Variants in SEPTIN8 observed in about 807,000 individuals in gnomAD.
SEPTIN8 encodes the protein septin-8.
In SEPTIN8, 22 loss-of-function variants were observed where a neutral mutation model predicts 53.1. The ratio of observed to expected loss-of-function variants is 0.41; its 90% CI spans 0.30 to 0.59. The LOEUF (loss-of-function observed/expected upper bound fraction) is 0.59. SEPTIN8 is among the 20% of genes least tolerant of loss of function. The pLI is 0.24. For missense variants in SEPTIN8, 536 were observed against 638.7 expected, an observed-to-expected ratio of 0.84 and a Z score of 1.73; for synonymous variants, 228 against 248.4, an observed-to-expected ratio of 0.92 and a Z score of 0.77.
intron 9 of SEPTIN8, chr5:132,758,521 A>G (rs1425227486): frequency 6.2e-7 from 1 of 1,613,578 alleles, no homozygotes; most frequent in Non-Finnish European, 8.5e-7. Flanking sequence ...CCGTCAGGGA[A>G]TAGTGACACT....
Position 132,761,072 on chromosome 5 carries a change from A to G in SEPTIN8, c.1095+61T>C. ...GGGCCAGGAAGGCACCCCCACCTCTACCCTCAGCCAGGCCTTCCCTCCCTC... is the reference window on the plus strand; with the variant it reads ...GGGCCAGGAAGGCACCCCCACCTCTGCCCTCAGCCAGGCCTTCCCTCCCTC... On this transcript the variant is annotated intron_variant, in intron 8 of 9. Coordinates refer to ENST00000378719, the MANE Select transcript of SEPTIN8 (RefSeq NM_001098811.2). The surrounding 1 kb of genome is among the most constrained non-coding windows in gnomAD (Gnocchi z 5.8). The G allele has an allele frequency of 6.2e-7, 1 of 1,609,622 alleles. No homozygotes were observed. The highest frequency in any genetic ancestry group is 8.5e-7 in the Non-Finnish European group (1 of 1,177,532).
At chr5:132,764,928 C>T (rs1036777907) in intron 2 of SEPTIN8, among the ~76,000 whole-genome samples, 26 of 151,924 alleles carry the variant, frequency 1.7e-4, no homozygotes, top group Admixed American at 1.7e-3. Context: ...TGCAGAGGGA[C>T]CAGAAGAGCA....
chr5:132,760,664 C>T lies in SEPTIN8; in HGVS notation c.1286+138G>A. On this transcript the variant is annotated intron_variant, in intron 9 of 9. Coordinates refer to ENST00000378719, the MANE Select transcript of SEPTIN8 (RefSeq NM_001098811.2). This position sits in a 1 kb window ranked among gnomAD's most constrained non-coding sequence, Gnocchi z 5.2. Reference sequence around the variant, plus strand: ...ACCAAGAAAGCTGGGGGGAGAGCCACTGAAGATGAGGGAAAACCAAACAGG... The same window carrying T: ...ACCAAGAAAGCTGGGGGGAGAGCCATTGAAGATGAGGGAAAACCAAACAGG... The T allele has an allele frequency of 1.3e-6, 1 of 793,990 alleles. No individual in the cohort carries two copies. Among genetic ancestry groups the T allele is most frequent in the South Asian group, 1.7e-5 (1 of 58,436 alleles). 49.2% of individuals were successfully genotyped at this position (793,990 alleles called of 1,614,324 possible).
chr5:132,752,808 C>T, intron 9 of SEPTIN8: 1 of 1,502,444 alleles, frequency 6.7e-7, no homozygotes, highest in Non-Finnish European at 9.2e-7. Context: ...ACTCAATTGC[C>T]AATTTCTTAG....
chr5:132,770,006 T>C (rs113010607), intron 1 of SEPTIN8, among the ~76,000 whole-genome samples: 14,465 of 67,640 alleles, frequency 0.21, 1,865 homozygotes, highest in East Asian at 0.54. Context: ...TATATATATA[T>C]ATATATATAT....
At chr5:132,774,140 G>A (rs1399516723) in intron 1 of SEPTIN8, 1 of 166,668 alleles carries the variant, frequency 6.0e-6, no homozygotes, top group African/African-American at 2.4e-5. Context: ...GAGGGACTAG[G>A]TACTCCCTGA....
chr5:132,758,000 A>T, intron 9 of SEPTIN8: 1 of 988,188 alleles, frequency 1.0e-6, no homozygotes, highest in Non-Finnish European at 1.2e-6. Context: ...ACACACACAC[A>T]TGGAGTTGGT....
chr5:132,757,588 G>A (rs562913024), intron 9 of SEPTIN8: 25 of 985,196 alleles, frequency 2.5e-5, no homozygotes, highest in South Asian at 4.7e-5. Flanking sequence ...TGAGGGGAGC[G>A]TTGTGCATTC....
chr5:132,760,293 C>G lies in SEPTIN8; in HGVS notation c.1286+509G>C, dbSNP rs551032036. ...CAGAAACCACCACGGCTTTTGGAAT[C>G]TGGCTGGAGATGCTGACATTCCCAG... On this transcript the variant is annotated intron_variant, in intron 9 of 9. Coordinates refer to ENST00000378719, the MANE Select transcript of SEPTIN8 (RefSeq NM_001098811.2). The surrounding 1 kb of genome is among the most constrained non-coding windows in gnomAD (Gnocchi z 5.2). 3.9e-5 allele frequency among the ~76,000 whole-genome samples: 6 copies of G among 152,204 alleles called. No homozygotes were observed. In the East Asian group the frequency reaches 9.7e-4, roughly 25 times the overall value.
At chr5:132,758,562 A>G in intron 9 of SEPTIN8, 1 of 1,612,938 alleles carries the variant, frequency 6.2e-7, no homozygotes, top group Non-Finnish European at 8.5e-7. Flanking sequence ...TGGCTCTGAA[A>G]AAAATAAACC....
chr5:132,756,348 T>C (rs1182500591), intron 9 of SEPTIN8: 1 of 980,860 alleles, frequency 1.0e-6, no homozygotes. Context: ...TAGCATCCCC[T>C]TTCTCTCTCA....
chr5:132,757,085 C>T, intron 9 of SEPTIN8: 1 of 985,434 alleles, frequency 1.0e-6, no homozygotes, highest in Non-Finnish European at 1.2e-6. Flanking sequence ...CATCAGTTTT[C>T]AATTGCAACC....
At chr5:132,758,934 T>C in intron 9 of SEPTIN8, 1 of 1,002,604 alleles carries the variant, frequency 1.0e-6, no homozygotes. Context: ...GAAAGGGCAG[T>C]CAGTTTGGCA....
chr5:132,750,917 C>T lies in SEPTIN8; in HGVS notation c.*1099G>A. 6.2e-7 allele frequency: 1 copy of T among 1,614,244 alleles called. No homozygotes were observed. The highest frequency in any genetic ancestry group is 8.5e-7 in the Non-Finnish European group (1 of 1,180,034). On this transcript the variant is annotated 3_prime_UTR_variant, in exon 10 of 10. Coordinates refer to ENST00000378719, the MANE Select transcript of SEPTIN8 (RefSeq NM_001098811.2). ...TGGCTCTGACTATTCCCCGAATGAG[C>T]TGCTGAGGATGGAGCTGGCTATTCT... is the stretch of plus-strand genomic sequence containing the variant.
chr5:132,756,072 A>G (rs766452419), intron 9 of SEPTIN8: 1 of 985,328 alleles, frequency 1.0e-6, no homozygotes, highest in Non-Finnish European at 1.2e-6. Context: ...AAAACAGTCA[A>G]TGAATGCAGG....
At chr5:132,755,567 A>G (rs1755251426) in intron 9 of SEPTIN8, among the ~76,000 whole-genome samples, 1 of 152,310 alleles carries the variant, frequency 6.6e-6, no homozygotes, top group African/African-American at 2.4e-5. Flanking sequence ...ATGGGGATGA[A>G]TGGTCCCTAA....
upstream of SEPTIN8, chr5:132,778,009 G>A: frequency 1.0e-6 from 1 of 985,502 alleles, no homozygotes; most frequent in Non-Finnish European, 1.2e-6. Flanking sequence ...TGTGCAAAGA[G>A]GATGACCACT....
Position 132,760,800 on chromosome 5 carries a change from ACTT to A in SEPTIN8, c.1285_1286+1del, listed in dbSNP as rs778003168. 3.8e-5 allele frequency: 62 copies of A among 1,612,958 alleles called. No homozygotes were observed. The highest frequency in any genetic ancestry group is 6.6e-5 in the South Asian group (6 of 91,050). On this transcript the variant is annotated splice_donor_variant and coding_sequence_variant, in exon 9 of 10. Coordinates refer to ENST00000378719, the MANE Select transcript of SEPTIN8 (RefSeq NM_001098811.2). LOFTEE classifies it high-confidence loss of function. This position sits in a 1 kb window ranked among gnomAD's most constrained non-coding sequence, Gnocchi z 5.2. ...CCAGCGCAGGCGCAGCCTGCCACCT[ACTT>A]CTTCTTGTCCTTGTCCTTCCTCAGG...
rs548095058 is a variant in SEPTIN8, at chr5:132,763,602, G to A, written c.534+104C>T. The stretch of plus-strand genomic sequence containing the variant: ...AATGGGGGGCCACCCACAAGCCCCC[G>A]ACCAGGTCCCTGAGGACCATGGTGT... On this transcript the variant is annotated intron_variant, in intron 4 of 9. Coordinates refer to ENST00000378719, the MANE Select transcript of SEPTIN8 (RefSeq NM_001098811.2). 2.1e-4 allele frequency: 233 copies of A among 1,110,220 alleles called. No individual in the cohort carries two copies. In the African/African-American group the frequency reaches 2.3e-3, roughly 11 times the overall value. 68.8% of individuals were successfully genotyped at this position (1,110,220 alleles called of 1,614,324 possible). A position where few individuals can be genotyped will look rare whatever the true frequency, so the allele number is the denominator to read the frequency against.
Sources: gnomAD v4.1 joint callset for allele counts (sites outside exome capture counted in the v4.1 genomes callset) on GRCh38, gnomAD v4.1.1 for gene constraint, Gnocchi (gnomAD v3.1) non-coding constraint, MANE v1.5 for transcripts, NCBI Gene and HGNC (gene_info 2026-07-23, HGNC 2026-07-21) for gene names.